OSMR: variants seen among roughly 807,000 people sequenced by gnomAD.
OSMR encodes oncostatin M receptor, also known as oncostatin-M-specific receptor subunit beta.
In OSMR, 81 loss-of-function variants were observed where a neutral mutation model predicts 99.9. That is an observed-to-expected ratio of 0.81 (90% CI 0.68 to 0.97). The LOEUF (loss-of-function observed/expected upper bound fraction) is 0.97, where lower values mean the gene tolerates loss of function less well. Ranked by LOEUF, OSMR falls within the 50% of genes least tolerant of loss-of-function variation. The probability of loss-of-function intolerance (pLI) is 0.00; values close to 1 mark genes in which losing one functional copy is unlikely to be tolerated. For synonymous variants in OSMR, 406 were observed against 410.4 expected, an observed-to-expected ratio of 0.99 and a Z score of 0.13; for missense variants, 1,099 against 1,153.4, an observed-to-expected ratio of 0.95 and a Z score of 0.68.
chr5:38,924,026 T>C (rs934204683), intron 13 of OSMR, among the ~76,000 whole-genome samples: 1 of 152,228 alleles, frequency 6.6e-6, no homozygotes, highest in Non-Finnish European at 1.5e-5. Flanking sequence ...TTCTTCCACT[T>C]CCTTCCTTCT....
At chr5:38,942,769 T>C in intron 1 of OSMR, 1 of 1,326,840 alleles carries the variant, frequency 7.5e-7, no homozygotes, top group Non-Finnish European at 1.1e-6. Flanking sequence ...ATCTGTATTT[T>C]AATTCAATTC....
At chr5:38,849,566 AC>A (rs1740192892) in intron 1 of OSMR, among the ~76,000 whole-genome samples, 1 of 152,016 alleles carries the variant, frequency 6.6e-6, no homozygotes, top group African/African-American at 2.4e-5. Context: ...TTTTAAAACA[AC>A]TTTTTTTATA....
chr5:38,932,629 G>A (rs1441553354), intron 17 of OSMR, 94 bp downstream of exon 17: 1 of 1,566,528 alleles, frequency 6.4e-7, no homozygotes, highest in East Asian at 2.3e-5. Context: ...GAGCTCCTCA[G>A]GAAAATATAG....
chr5:38,862,441 G>C (rs1275148481), intron 1 of OSMR, among the ~76,000 whole-genome samples: 2 of 149,832 alleles, frequency 1.3e-5, no homozygotes, highest in African/African-American at 4.9e-5. Context: ...CCTCCCTCCC[G>C]GACGGGTGGC....
chr5:38,919,474 C>A, intron 11 of OSMR: 1 of 623,938 alleles, frequency 1.6e-6, no homozygotes, highest in Non-Finnish European at 2.4e-6. Flanking sequence ...AGTCCATGAA[C>A]ATTTCCAGAG....
chr5:38,899,861 G>C (rs954943790), intron 7 of OSMR, among the ~76,000 whole-genome samples: 8 of 152,156 alleles, frequency 5.3e-5, no homozygotes, highest in African/African-American at 1.9e-4. Flanking sequence ...GCCATGAGCT[G>C]TGCTGCCTGG....
At chr5:38,936,262 G>T, downstream of OSMR, among the ~76,000 whole-genome samples, 1 of 148,230 alleles carries the variant, frequency 6.7e-6, no homozygotes, top group Non-Finnish European at 1.5e-5. Flanking sequence ...AGCAAATCAT[G>T]ATATCATGAT....
chr5:38,848,492 A>G (rs1740067414), intron 1 of OSMR, among the ~76,000 whole-genome samples: 3 of 152,204 alleles, frequency 2.0e-5, no homozygotes, highest in Admixed American at 2.0e-4. Context: ...AATAATACAA[A>G]TAATAACAAC....
At chr5:38,855,888 A>G (rs1239025280) in intron 1 of OSMR, among the ~76,000 whole-genome samples, 1 of 151,878 alleles carries the variant, frequency 6.6e-6, no homozygotes, top group Non-Finnish European at 1.5e-5. Flanking sequence ...GTTTCTTCCC[A>G]TATTTTGCCT....
chr5:38,887,082 T>C (rs1743829910), intron 7 of OSMR, among the ~76,000 whole-genome samples: 1 of 152,200 alleles, frequency 6.6e-6, no homozygotes, highest in Admixed American at 6.5e-5. Context: ...ATCTGTTTTC[T>C]CTTTTATGAA....
rs144000257 is a variant in OSMR at position 38,928,687 on chromosome 5, A to G, written c.2213-3196A>G. Among the ~76,000 whole-genome samples the G allele has an allele frequency of 6.9e-3, 1,057 of 152,286 alleles. 42 individuals are homozygous for G. Among genetic ancestry groups the G allele is most frequent in the Admixed American group, 0.055 (835 of 15,300 alleles). Reference sequence around the variant, plus strand: ...TGAGATGAAATTTGGGTGGGGACACAGCCAAACCATATCAGACAGGTTGTG... The same window carrying G: ...TGAGATGAAATTTGGGTGGGGACACGGCCAAACCATATCAGACAGGTTGTG... On this transcript the variant is annotated intron_variant, in intron 15 of 17. Transcript: ENST00000274276.
At chr5:38,941,642 C>G in intron 1 of OSMR, 1 of 232,164 alleles carries the variant, frequency 4.3e-6, no homozygotes, top group Non-Finnish European at 8.5e-6. Flanking sequence ...CACATTGCAA[C>G]AAAATGAAGA....
Position 38,925,355 on chromosome 5 carries a change from G to A in OSMR, c.2196G>A (p.Thr732=), listed in dbSNP as rs2289926. The change falls in exon 15 of 18, where the codon ACG becomes ACA. Residue 732 remains threonine (T), a synonymous_variant. Coordinates refer to ENST00000274276, the MANE Select transcript of OSMR (RefSeq NM_003999.3). ...EGPSATFTKV[T]TPDEHSSMLI... ...CCAGTGCTACGTTCACGAAGGTCAC[G>A]ACTCCGGATGAACACTGTGAGTTTT... The A allele has an allele frequency of 2.4e-3, 3,857 of 1,613,836 alleles. 136 individuals carry two copies. In the East Asian group the frequency reaches 0.07, roughly 29 times the overall value.
intron 15 of OSMR, among the ~76,000 whole-genome samples, chr5:38,931,454 C>A (rs984609241): frequency 1.3e-5 from 2 of 152,154 alleles, no homozygotes; most frequent in Non-Finnish European, 2.9e-5. Flanking sequence ...CACAAGAGGG[C>A]AAGCCGATGT....
intron 9 of OSMR, among the ~76,000 whole-genome samples, chr5:38,909,245 G>A (rs929862985): frequency 2.6e-5 from 4 of 152,142 alleles, no homozygotes; most frequent in African/African-American, 9.7e-5. Flanking sequence ...GCCACTCATT[G>A]GTGTTCTTGA....
At chr5:38,860,162 A>C (rs1254923027) in intron 1 of OSMR, among the ~76,000 whole-genome samples, 1 of 152,262 alleles carries the variant, frequency 6.6e-6, no homozygotes, top group East Asian at 1.9e-4. Context: ...TGAGAGAATA[A>C]ATTTTGCTTT....
chr5:38,854,437 A>T (rs2112061476), intron 1 of OSMR, among the ~76,000 whole-genome samples: 1 of 152,304 alleles, frequency 6.6e-6, no homozygotes, highest in African/African-American at 2.4e-5. Flanking sequence ...GATTTTCATA[A>T]GCATCTTTAC....
At chr5:38,858,587 C>G (rs934559387) in intron 1 of OSMR, among the ~76,000 whole-genome samples, 1 of 151,964 alleles carries the variant, frequency 6.6e-6, no homozygotes, top group Non-Finnish European at 1.5e-5. Flanking sequence ...TGCAGGGATC[C>G]CTTTTATATA....
rs1743677640 is a variant in OSMR, at chr5:38,885,691, G to A, written c.839+207G>A. ...TTTTAAAAAAGGAACATTTAGCATAGCATGGTAAGAAAGACAGTTAATGTA... is the reference window on the plus strand; with the variant it reads ...TTTTAAAAAAGGAACATTTAGCATAACATGGTAAGAAAGACAGTTAATGTA... On this transcript the variant is annotated intron_variant, in intron 6 of 17. Transcript: ENST00000274276. 2.0e-5 allele frequency among the ~76,000 whole-genome samples: 3 copies of A among 152,338 alleles called. No individual in the cohort carries two copies. The South Asian group carries it at 6.2e-4, about 32-fold the overall frequency.
Sources: allele counts gnomAD v4.1 joint callset (sites outside exome capture counted in the v4.1 genomes callset), GRCh38; gene constraint gnomAD v4.1.1; transcripts MANE v1.5; gene names NCBI Gene and HGNC (gene_info 2026-07-23, HGNC 2026-07-21).